The following FRMPD4 variants were observed in gnomAD, a reference collection of about 807,000 sequenced individuals.
FRMPD4 encodes the protein FERM and PDZ domain containing 4, also known as FERM and PDZ domain-containing protein 4.
Under a neutral mutation model 94.1 loss-of-function variants are expected in FRMPD4, and 22 were observed. The ratio of observed to expected loss-of-function variants is 0.23; its 90% confidence interval spans 0.17 to 0.33. FRMPD4 has a LOEUF of 0.33. Among genes scored for constraint, FRMPD4 ranks in the 10% least tolerant of loss-of-function variants. The pLI is 1.00. For synonymous variants in FRMPD4, 631 were observed against 548.6 expected (o/e 1.15, Z -2.10); for missense variants, 1,111 against 1,339.9 (o/e 0.83, Z 2.67).
At chrX:12,389,482 AAAC>A (rs1325343630) in intron 1 of FRMPD4, among the ~76,000 whole-genome samples, 19 of 110,002 alleles carry the variant, frequency 1.7e-4, no homozygotes, top group Non-Finnish European at 3.2e-4. Context: ...TCAAAAAAAA[AAAC>A]AAAACCAAAC....
At chrX:12,035,736 A>G (rs1347316119) in intron 3 of FRMPD4, among the ~76,000 whole-genome samples, 1 of 111,424 alleles carries the variant, frequency 9.0e-6, no homozygotes, top group Non-Finnish European at 1.9e-5. Flanking sequence ...GCGAGGTCCA[A>G]CAGAGATCAT....
At chrX:12,585,888 A>G (rs1391347912) in intron 2 of FRMPD4, among the ~76,000 whole-genome samples, 2 of 112,651 alleles carry the variant, frequency 1.8e-5, no homozygotes, top group Admixed American at 9.4e-5. Flanking sequence ...AACTACAGCT[A>G]TGTCTGCTGA....
intron 1 of FRMPD4, among the ~76,000 whole-genome samples, chrX:12,289,859 G>C (rs1252972413): frequency 8.9e-6 from 1 of 112,071 alleles, no homozygotes; most frequent in African/African-American, 3.2e-5. Flanking sequence ...GATAAATACA[G>C]TATTTCCTGA....
At chrX:12,430,101 T>G (rs961554941) in intron 1 of FRMPD4, among the ~76,000 whole-genome samples, 1 of 112,330 alleles carries the variant, frequency 8.9e-6, no homozygotes, top group Non-Finnish European at 1.9e-5. Flanking sequence ...CAGACTAAGA[T>G]AGTTGGTAAT....
At chrX:12,679,740 A>G (rs1437234823) in intron 5 of FRMPD4, among the ~76,000 whole-genome samples, 2 of 112,156 alleles carry the variant, frequency 1.8e-5, no homozygotes, top group East Asian at 2.8e-4. Flanking sequence ...CTCAGACAGT[A>G]TAACTCTGAG....
intron 1 of FRMPD4, among the ~76,000 whole-genome samples, chrX:12,205,969 G>A (rs1218352161): frequency 3.6e-5 from 4 of 112,204 alleles, no homozygotes; most frequent in Non-Finnish European, 7.5e-5. Context: ...AAGGGCTATA[G>A]GCTCTGTGAT....
chrX:12,301,290 A>C (rs1339250968), intron 1 of FRMPD4, among the ~76,000 whole-genome samples: 7 of 111,779 alleles, frequency 6.3e-5, no homozygotes, highest in Non-Finnish European at 1.3e-4. Flanking sequence ...TCTTTATTTC[A>C]AAACCTGAAC....
intron 3 of FRMPD4, among the ~76,000 whole-genome samples, chrX:11,880,945 G>C (rs2053810582): frequency 8.9e-6 from 1 of 112,185 alleles, no homozygotes; most frequent in Non-Finnish European, 1.9e-5. Context: ...GCCTGGCCTT[G>C]AATTTATTAT....
intron 1 of FRMPD4, among the ~76,000 whole-genome samples, chrX:12,421,980 TA>T (rs1319731540): frequency 8.9e-6 from 1 of 111,757 alleles, no homozygotes; most frequent in South Asian, 3.8e-4. Context: ...ACTTAGGAAG[TA>T]AAAAAGTCTA....
intron 1 of FRMPD4, among the ~76,000 whole-genome samples, chrX:12,425,052 C>T (rs750391451): frequency 2.7e-5 from 3 of 112,142 alleles, no homozygotes; most frequent in African/African-American, 6.5e-5. Context: ...TTATTTGTAC[C>T]GAATTAGTCA....
chrX:12,178,227 G>A (rs2056317707), intron 1 of FRMPD4, among the ~76,000 whole-genome samples: 1 of 111,641 alleles, frequency 9.0e-6, no homozygotes, highest in Admixed American at 9.5e-5. Context: ...AAATCAGCTG[G>A]CACCTTGATT....
chrX:12,699,612 TA>T (rs1433106677), intron 9 of FRMPD4, among the ~76,000 whole-genome samples: 1 of 112,391 alleles, frequency 8.9e-6, no homozygotes, highest in African/African-American at 3.2e-5. Flanking sequence ...GAAGCGGTTA[TA>T]AATGTGCTTC....
intron 4 of FRMPD4, among the ~76,000 whole-genome samples, chrX:12,618,249 T>A (rs2059253489): frequency 8.9e-6 from 1 of 111,923 alleles, no homozygotes; most frequent in Non-Finnish European, 1.9e-5. Flanking sequence ...AGAAACATTA[T>A]GAATTGTGCC....
chrX:12,326,022 CT>C (rs887593635), intron 1 of FRMPD4, among the ~76,000 whole-genome samples: 5 of 112,216 alleles, frequency 4.5e-5, no homozygotes, highest in African/African-American at 1.6e-4. Context: ...TACTCTAGGT[CT>C]TCTCAGATGG....
chrX:11,932,949 A>G (rs1159363081), intron 3 of FRMPD4, among the ~76,000 whole-genome samples: 1 of 111,393 alleles, frequency 9.0e-6, no homozygotes, highest in Non-Finnish European at 1.9e-5. Context: ...TCTTGTTTAT[A>G]ATTTGCCTCT....
At chrX:11,839,494 A>G (rs764590133) in intron 1 of FRMPD4, among the ~76,000 whole-genome samples, 2 of 111,682 alleles carry the variant, frequency 1.8e-5, no homozygotes, top group African/African-American at 6.5e-5. Context: ...TCTATATAAA[A>G]GCCCTTTATT....
chrX:12,046,333 C>T (rs1011855523), intron 3 of FRMPD4, among the ~76,000 whole-genome samples: 4 of 111,030 alleles, frequency 3.6e-5, no homozygotes, highest in African/African-American at 1.3e-4. Context: ...CTGATACCAC[C>T]GCAGAGGTCA....
chrX:12,222,201 C>A (rs1433154088), intron 1 of FRMPD4, among the ~76,000 whole-genome samples: 8 of 111,814 alleles, frequency 7.2e-5, no homozygotes, highest in Non-Finnish European at 7.5e-5. Context: ...AATAAATATA[C>A]TAAAATATTT....
At chrX:12,590,221 A>G (rs773743273) in intron 2 of FRMPD4, among the ~76,000 whole-genome samples, 8 of 112,301 alleles carry the variant, frequency 7.1e-5, no homozygotes, top group African/African-American at 9.7e-5. Context: ...TGGAGACTTT[A>G]ATATGATTTC....
Sources: gnomAD v4.1 joint callset for allele counts (sites outside exome capture counted in the v4.1 genomes callset) on GRCh38, gnomAD v4.1.1 for gene constraint, MANE v1.5 for transcripts, NCBI Gene and HGNC (gene_info 2026-07-23, HGNC 2026-07-21) for gene names.